The following PLGRKT variants were observed in gnomAD, a reference collection of about 807,000 sequenced individuals.
PLGRKT encodes plasminogen receptor with a C-terminal lysine.
In PLGRKT, 22 loss-of-function variants were observed where a neutral mutation model predicts 18.5. The observed-to-expected ratio is 1.19, with a 90% CI of 0.85 to 1.70. PLGRKT has a LOEUF of 1.70. Ranked by LOEUF, PLGRKT falls within the 40% of genes most tolerant of loss-of-function variation. The pLI, the probability that PLGRKT is intolerant of heterozygous loss-of-function variation, is 0.00. For synonymous variants in PLGRKT, 72 were observed against 52.8 expected, an observed-to-expected ratio of 1.36 and a Z score of -1.58; for missense variants, 235 against 174.4, an observed-to-expected ratio of 1.35 and a Z score of -1.96.
At position 5,418,115 on chromosome 9, in the gene PLGRKT, C is replaced by A. The variant is rs80162642; in HGVS notation, c.81+13782G>T. On this transcript the variant is annotated intron_variant, in intron 3 of 5. Coordinates refer to ENST00000223864, the MANE Select transcript of PLGRKT (RefSeq NM_018465.4). This position sits in a 1 kb window ranked among gnomAD's most constrained non-coding sequence, Gnocchi z 4.2. ...ATCAGAAATTACAGTCCATTGAATA[C>A]ATGATTATGAGGATGCATGCAATCA... Among the ~76,000 whole-genome samples, 1 of 152,158 alleles carries A rather than the reference C, an allele frequency of 6.6e-6. No homozygotes were observed. Among genetic ancestry groups the A allele is most frequent in the Non-Finnish European group, 1.5e-5 (1 of 68,036 alleles).
intron 3 of PLGRKT, among the ~76,000 whole-genome samples, chr9:5,430,735 C>T (rs56852560): frequency 0.012 from 1,786 of 152,282 alleles, 34 homozygotes; most frequent in African/African-American, 0.041. Flanking sequence ...CATGCCTTAC[C>T]AGAGGACTTT....
chr9:5,430,554 T>C lies in PLGRKT; in HGVS notation c.81+1343A>G, dbSNP rs368887794. On this transcript the variant is annotated intron_variant, in intron 3 of 5. Coordinates refer to ENST00000223864, the MANE Select transcript of PLGRKT (RefSeq NM_018465.4). ...GCATTTTTCTAAAAACTTGAGGCATTGTTCTATATATTTCATCTTTAATCT... is the reference window on the plus strand; with the variant it reads ...GCATTTTTCTAAAAACTTGAGGCATCGTTCTATATATTTCATCTTTAATCT... Among the ~76,000 whole-genome samples, 19 of 152,328 alleles carry C rather than the reference T, an allele frequency of 1.2e-4. No homozygotes were observed. In the East Asian group the frequency reaches 3.7e-3, roughly 29 times the overall value.
chr9:5,380,011 C>A (rs1480149589), intron 3 of PLGRKT, among the ~76,000 whole-genome samples: 1 of 152,120 alleles, frequency 6.6e-6, no homozygotes, highest in Non-Finnish European at 1.5e-5. Flanking sequence ...TAAATGTCTA[C>A]CAGTAAGAGA....
chr9:5,403,224 CTTTT>C (rs34557029), intron 3 of PLGRKT, among the ~76,000 whole-genome samples: 1 of 135,156 alleles, frequency 7.4e-6, no homozygotes. Context: ...ATTCTTTTTT[CTTTT>C]TTTTTTTTTT....
At chr9:5,413,730 C>G (rs1818407915) in intron 3 of PLGRKT, among the ~76,000 whole-genome samples, 1 of 152,166 alleles carries the variant, frequency 6.6e-6, no homozygotes, top group Non-Finnish European at 1.5e-5. Flanking sequence ...ATAAGATAAA[C>G]AATTTTATGT....
At chr9:5,401,594 G>A (rs1818155261) in intron 3 of PLGRKT, among the ~76,000 whole-genome samples, 2 of 151,820 alleles carry the variant, frequency 1.3e-5, no homozygotes, top group South Asian at 4.1e-4. Flanking sequence ...TTTAAGCAGA[G>A]CCTTCCATCT....
At chr9:5,429,598 A>G (rs946954192) in intron 3 of PLGRKT, among the ~76,000 whole-genome samples, 2 of 152,172 alleles carry the variant, frequency 1.3e-5, no homozygotes, top group Non-Finnish European at 2.9e-5. Flanking sequence ...ATAGTCCAGT[A>G]TGAATTGTAT....
chr9:5,361,235 A>T, intron 4 of PLGRKT, 48 bp from the exon 5 acceptor site: 1 of 1,060,506 alleles, frequency 9.4e-7, no homozygotes. Context: ...ATAACCTGTA[A>T]ATACATATCT....
At chr9:5,405,997 CAT>C (rs1335664168) in intron 3 of PLGRKT, among the ~76,000 whole-genome samples, 1 of 152,026 alleles carries the variant, frequency 6.6e-6, no homozygotes, top group African/African-American at 2.4e-5. Context: ...CGCCAACAAA[CAT>C]ATGAAAAAAA....
At chr9:5,423,638 G>A (rs1818618724) in intron 3 of PLGRKT, among the ~76,000 whole-genome samples, 1 of 151,996 alleles carries the variant, frequency 6.6e-6, no homozygotes, top group East Asian at 1.9e-4. Context: ...TGAACAGATT[G>A]CCAGGCCCCA....
At chr9:5,436,216 G>T (rs1341101500) in intron 2 of PLGRKT, among the ~76,000 whole-genome samples, 1 of 152,236 alleles carries the variant, frequency 6.6e-6, no homozygotes, top group East Asian at 1.9e-4. Context: ...CCTGCCTGAG[G>T]TTAGGAGCGA....
intron 2 of PLGRKT, among the ~76,000 whole-genome samples, chr9:5,432,964 G>A (rs181187562): frequency 1.1e-4 from 16 of 151,998 alleles, no homozygotes; most frequent in African/African-American, 2.4e-4. Flanking sequence ...CCCTGTCTGG[G>A]AGGTGAGGAG....
At chr9:5,399,881 C>T (rs1818124005) in intron 3 of PLGRKT, among the ~76,000 whole-genome samples, 1 of 151,572 alleles carries the variant, frequency 6.6e-6, no homozygotes, top group Non-Finnish European at 1.5e-5. Flanking sequence ...ATCCCAGCTA[C>T]TCAGGAAGCT....
At chr9:5,385,862 A>G (rs1386604831) in intron 3 of PLGRKT, among the ~76,000 whole-genome samples, 1 of 151,922 alleles carries the variant, frequency 6.6e-6, no homozygotes, top group Non-Finnish European at 1.5e-5. Flanking sequence ...TGGAAGACAG[A>G]GATGGTGTCT....
At chr9:5,398,705 A>C (rs1818099239) in intron 3 of PLGRKT, among the ~76,000 whole-genome samples, 1 of 151,924 alleles carries the variant, frequency 6.6e-6, no homozygotes, top group East Asian at 1.9e-4. Context: ...CTCATTTTAC[A>C]TCATAAAGCT....
In PLGRKT at chr9:5,371,090, C is replaced by T. The variant is rs181585624; in HGVS notation, c.82-9202G>A. ...TACAACATAATTACATCCATTCTTA[C>T]GCGTACATGTAACATCTTATTATAA... is the stretch of plus-strand genomic sequence containing the variant. On this transcript the variant is annotated intron_variant, in intron 3 of 5. Coordinates refer to ENST00000223864, the MANE Select transcript of PLGRKT (RefSeq NM_018465.4). Among the ~76,000 whole-genome samples the T allele has an allele frequency of 1.4e-3, 209 of 152,242 alleles. 1 individual carries two copies. The highest frequency in any genetic ancestry group is 1.2e-3 in the East Asian group (6 of 5,194).
In PLGRKT at chr9:5,431,531, C is replaced by CAA. The variant is rs1191361436; in HGVS notation, c.81+364_81+365dup. Among the ~76,000 whole-genome samples the CAA allele has an allele frequency of 4.3e-3, 326 of 76,370 alleles. 2 individuals carry two copies. The highest frequency in any genetic ancestry group is 8.7e-3 in the African/African-American group (181 of 20,846). 50.1% of individuals were successfully genotyped at this position (76,370 alleles called of 152,430 possible). A position where few individuals can be genotyped will look rare whatever the true frequency, so the allele number is the denominator to read the frequency against. On this transcript the variant is annotated intron_variant, in intron 3 of 5. Coordinates refer to ENST00000223864, the MANE Select transcript of PLGRKT (RefSeq NM_018465.4). ...GCTGGGCAACACAGTGAGACTCTCT[C>CAA]AAAAAAAAAAAAAAAAAAAAAAAGA... is the stretch of plus-strand genomic sequence containing the variant.
At chr9:5,384,095 G>T (rs1190429653) in intron 3 of PLGRKT, among the ~76,000 whole-genome samples, 1 of 152,236 alleles carries the variant, frequency 6.6e-6, no homozygotes, top group Non-Finnish European at 1.5e-5. Context: ...CTGAGACTCA[G>T]GCAGGAGGTC....
intron 3 of PLGRKT, 61 bp downstream of exon 3, chr9:5,431,835 TA>T (rs1259195026): frequency 2.5e-6 from 2 of 788,438 alleles, no homozygotes; most frequent in Non-Finnish European, 4.5e-6. Context: ...ACGGCTGGAG[TA>T]CATGTGGTAG....
Sources: allele counts gnomAD v4.1 joint callset (sites outside exome capture counted in the v4.1 genomes callset), GRCh38; gene constraint gnomAD v4.1.1; non-coding constraint Gnocchi (gnomAD v3.1); transcripts MANE v1.5; gene names NCBI Gene and HGNC (gene_info 2026-07-23, HGNC 2026-07-21).